Variants in ATE1 observed in about 807,000 individuals in gnomAD.
ATE1 encodes arginyl-tRNA--protein transferase 1.
Under a neutral mutation model 70.5 loss-of-function variants are expected in ATE1, and 36 were observed. The observed-to-expected ratio is 0.51, with a 90% CI of 0.39 to 0.67. The LOEUF is 0.67. Ranked by LOEUF, ATE1 falls within the 30% of genes least tolerant of loss-of-function variation. The pLI, the probability that ATE1 is intolerant of heterozygous loss-of-function variation, is 0.00. For missense variants in ATE1, 593 were observed against 629.5 expected (o/e 0.94, Z 0.62); for synonymous variants, 232 against 219.3 (o/e 1.06, Z -0.51).
intron 8 of ATE1, among the ~76,000 whole-genome samples, chr10:121,866,989 T>G: frequency 6.6e-6 from 1 of 152,066 alleles, no homozygotes; most frequent in East Asian, 1.9e-4. Flanking sequence ...GTAGGTACAG[T>G]CTAACTGGGA....
At chr10:121,854,217 A>G (rs934504902) in intron 8 of ATE1, among the ~76,000 whole-genome samples, 2 of 152,216 alleles carry the variant, frequency 1.3e-5, no homozygotes, top group Non-Finnish European at 2.9e-5. Flanking sequence ...TTACCACCAT[A>G]TAAGACAATA....
At chr10:121,876,192 T>C (rs771088919) in intron 7 of ATE1, among the ~76,000 whole-genome samples, 3 of 152,292 alleles carry the variant, frequency 2.0e-5, no homozygotes, top group Non-Finnish European at 4.4e-5. Flanking sequence ...AGATGTACTA[T>C]AATAAAATGC....
chr10:121,927,226 G>A (rs1952128903), intron 1 of ATE1: 1 of 985,272 alleles, frequency 1.0e-6, no homozygotes, highest in African/African-American at 1.7e-5. Context: ...CCGGGTGGGT[G>A]GAGGAAAGAC....
intron 11 of ATE1, among the ~76,000 whole-genome samples, chr10:121,773,440 C>T (rs1945602992): frequency 6.6e-6 from 1 of 152,138 alleles, no homozygotes; most frequent in African/African-American, 2.4e-5. Flanking sequence ...GTTCCAGGCC[C>T]ATCTTGGGAC....
At chr10:121,788,996 C>T (rs1242910111) in intron 11 of ATE1, among the ~76,000 whole-genome samples, 1 of 152,086 alleles carries the variant, frequency 6.6e-6, no homozygotes, top group Non-Finnish European at 1.5e-5. Flanking sequence ...CAAAACTGCA[C>T]GATTTTGCAG....
intron 11 of ATE1, among the ~76,000 whole-genome samples, chr10:121,752,066 G>A (rs1462281835): frequency 1.3e-5 from 2 of 150,878 alleles, no homozygotes; most frequent in Admixed American, 6.6e-5. Context: ...GCACGGTGGC[G>A]GCCGCCTGTA....
In ATE1 at chr10:121,750,575, A is replaced by C. The variant is rs186292220; in HGVS notation, c.1379-6717T>G. 1.5e-3 allele frequency among the ~76,000 whole-genome samples: 236 copies of C among 152,344 alleles called. 1 individual carries two copies. The highest frequency in any genetic ancestry group is 2.4e-3 in the Non-Finnish European group (166 of 68,032). The stretch of plus-strand genomic sequence containing the variant: ...TTTATTCACAGGAGATGAAATGCAC[A>C]ATACAGGTGCTTTCAAAGGACAAGA... On this transcript the variant is annotated intron_variant, in intron 11 of 11. Transcript: ENST00000224652.
At chr10:121,888,794 C>T (rs1208100522) in intron 7 of ATE1, among the ~76,000 whole-genome samples, 2 of 152,136 alleles carry the variant, frequency 1.3e-5, no homozygotes, top group Non-Finnish European at 2.9e-5. Context: ...CACTATACAG[C>T]GATGAGAGTT....
intron 7 of ATE1, among the ~76,000 whole-genome samples, chr10:121,874,634 G>A (rs372576373): frequency 1.3e-5 from 2 of 152,222 alleles, no homozygotes; most frequent in Admixed American, 6.5e-5. Context: ...TGCAAGCAAC[G>A]TAGCAGAAAG....
rs551327433 is a variant in ATE1, at chr10:121,762,722, G to A, written c.1379-18864C>T. 6.6e-5 allele frequency among the ~76,000 whole-genome samples: 10 copies of A among 152,266 alleles called. No homozygotes were observed. In the South Asian group the frequency reaches 1.2e-3, roughly 19 times the overall value. ...GCCCTGAGCTACGGGGATAGGCTCC[G>A]GTCCCTTGATACTTGGAACTGGAAT... On this transcript the variant is annotated intron_variant, in intron 11 of 11. Transcript: ENST00000224652.
intron 5 of ATE1, among the ~76,000 whole-genome samples, chr10:121,909,465 C>T (rs1023501227): frequency 7.2e-5 from 11 of 151,936 alleles, no homozygotes; most frequent in African/African-American, 1.9e-4. Flanking sequence ...CTTTTAGAAA[C>T]GTATTCTGAA....
At chr10:121,786,819 G>C (rs1946234175) in intron 11 of ATE1, among the ~76,000 whole-genome samples, 1 of 151,854 alleles carries the variant, frequency 6.6e-6, no homozygotes, top group Non-Finnish European at 1.5e-5. Flanking sequence ...GAATATTCTC[G>C]TTTAGGTTTT....
chr10:121,815,073 T>C (rs545886038), intron 10 of ATE1, among the ~76,000 whole-genome samples: 4 of 152,338 alleles, frequency 2.6e-5, no homozygotes, highest in Non-Finnish European at 5.9e-5. Context: ...GATTTACATA[T>C]ACTAAAAATA....
At chr10:121,794,087 T>G (rs1946558902) in intron 10 of ATE1, among the ~76,000 whole-genome samples, 1 of 152,340 alleles carries the variant, frequency 6.6e-6, no homozygotes, top group African/African-American at 2.4e-5. Context: ...CCCTGCTAAT[T>G]TGGTAACTTA....
At chr10:121,892,737 A>G (rs562326979) in intron 7 of ATE1, among the ~76,000 whole-genome samples, 6 of 151,738 alleles carry the variant, frequency 4.0e-5, no homozygotes, top group South Asian at 4.2e-4. Flanking sequence ...CTGGTCTCGA[A>G]CTCCTGACCT....
intron 11 of ATE1, among the ~76,000 whole-genome samples, chr10:121,755,611 G>A (rs1460268956): frequency 6.6e-6 from 1 of 152,210 alleles, no homozygotes; most frequent in African/African-American, 2.4e-5. Flanking sequence ...TGGGCTCACA[G>A]TTCCATGTGG....
At chr10:121,778,652 T>A (rs919801550) in intron 11 of ATE1, among the ~76,000 whole-genome samples, 2 of 138,470 alleles carry the variant, frequency 1.4e-5, no homozygotes, top group African/African-American at 5.3e-5. Context: ...CTGGGCTTCC[T>A]CTGCAGTGGC....
chr10:121,754,601 T>C (rs775599337), intron 11 of ATE1, among the ~76,000 whole-genome samples: 2 of 152,174 alleles, frequency 1.3e-5, no homozygotes, highest in East Asian at 1.9e-4. Context: ...GAAGTAGTGA[T>C]AGAATTAGAA....
Position 121,742,248 on chromosome 10 carries a change from T to C in ATE1, c.*1432A>G, listed in dbSNP as rs1944171695. 1 of 152,264 alleles carries C rather than the reference T, an allele frequency of 6.6e-6. No homozygotes were observed. The highest frequency in any genetic ancestry group is 2.4e-5 in the African/African-American group (1 of 41,480). 9.4% of individuals were successfully genotyped at this position (152,264 alleles called of 1,614,324 possible). A position where few individuals can be genotyped will look rare whatever the true frequency, so the allele number is the denominator to read the frequency against. On this transcript the variant is annotated 3_prime_UTR_variant, in exon 12 of 12. Coordinates refer to ENST00000224652, the MANE Select transcript of ATE1 (RefSeq NM_001001976.3). ...TTTCAGTTTTAAAATCATTGTTTTA[T>C]GATCCTTTTTATTCTAGTTAGCTGA... is the stretch of plus-strand genomic sequence containing the variant.
Sources: allele counts gnomAD v4.1 joint callset (sites outside exome capture counted in the v4.1 genomes callset), GRCh38; gene constraint gnomAD v4.1.1; transcripts MANE v1.5; gene names NCBI Gene and HGNC (gene_info 2026-07-23, HGNC 2026-07-21).